SND1: variants seen among roughly 807,000 people sequenced by gnomAD.
SND1 encodes the protein staphylococcal nuclease and tudor domain containing 1.
A neutral mutation model predicts 121.7 loss-of-function variants in SND1; 38 were observed. The observed-to-expected ratio is 0.31, with a 90% CI of 0.24 to 0.41. The LOEUF (loss-of-function observed/expected upper bound fraction) is 0.41, where lower values mean the gene tolerates loss of function less well. Among genes scored for constraint, SND1 ranks in the 10% least tolerant of loss-of-function variants. SND1 has a pLI of 1.00. For synonymous variants in SND1, 401 were observed against 447.4 expected (o/e 0.90, Z 1.31); for missense variants, 868 against 1,184.6 (o/e 0.73, Z 3.92).
At chr7:127,830,544 T>C (rs1347009274) in intron 11 of SND1, among the ~76,000 whole-genome samples, 1 of 152,212 alleles carries the variant, frequency 6.6e-6, no homozygotes, top group Non-Finnish European at 1.5e-5. Flanking sequence ...ATCATATTTA[T>C]CATTGTTTAT....
At chr7:127,884,509 A>G (rs538667664) in intron 12 of SND1, among the ~76,000 whole-genome samples, 46 of 152,130 alleles carry the variant, frequency 3.0e-4, no homozygotes, top group African/African-American at 5.8e-4. Flanking sequence ...AGGCAGGCCT[A>G]TTGCTGAGGG....
chr7:127,716,410 A>G (rs1161354558), intron 9 of SND1, among the ~76,000 whole-genome samples: 1 of 150,614 alleles, frequency 6.6e-6, no homozygotes, highest in African/African-American at 2.4e-5. Flanking sequence ...TCTTTGTACA[A>G]GTTTTTCACT....
intron 11 of SND1, among the ~76,000 whole-genome samples, chr7:127,813,476 A>G (rs1469470699): frequency 2.6e-5 from 4 of 152,076 alleles, no homozygotes; most frequent in Non-Finnish European, 5.9e-5. Context: ...AGACTCTGAA[A>G]AGTACCTCTG....
chr7:128,000,742 G>T (rs1161105902), intron 16 of SND1, among the ~76,000 whole-genome samples: 1 of 152,162 alleles, frequency 6.6e-6, no homozygotes, highest in Admixed American at 6.5e-5. Flanking sequence ...CCTAAACATT[G>T]CAAGCCATGC....
chr7:127,838,416 G>A (rs1798905841), intron 11 of SND1, among the ~76,000 whole-genome samples: 1 of 152,166 alleles, frequency 6.6e-6, no homozygotes. Flanking sequence ...ACACTGTTAA[G>A]CCCAAAGCAA....
chr7:127,867,233 C>T (rs759149408), intron 12 of SND1, among the ~76,000 whole-genome samples: 2 of 152,154 alleles, frequency 1.3e-5, no homozygotes, highest in African/African-American at 2.4e-5. Flanking sequence ...TTTACTTTTA[C>T]TTGACCTCTC....
At chr7:127,751,537 A>C (rs958792288) in intron 10 of SND1, among the ~76,000 whole-genome samples, 1 of 152,186 alleles carries the variant, frequency 6.6e-6, no homozygotes, top group Non-Finnish European at 1.5e-5. Context: ...GAGGCTTACC[A>C]GTTAAAAAAG....
At chr7:127,916,761 A>T (rs573752939) in intron 14 of SND1, among the ~76,000 whole-genome samples, 1 of 152,232 alleles carries the variant, frequency 6.6e-6, no homozygotes, top group Non-Finnish European at 1.5e-5. Context: ...TCCAGTGGAC[A>T]GTGCAATTCC....
intron 11 of SND1, among the ~76,000 whole-genome samples, chr7:127,833,329 G>A (rs544434560): frequency 4.1e-5 from 6 of 147,738 alleles, no homozygotes; most frequent in South Asian, 2.1e-4. Flanking sequence ...GCAGTGGCTC[G>A]ATGTTGGCTC....
At chr7:127,998,146 A>C (rs1802722436) in intron 16 of SND1, 1 of 371,296 alleles carries the variant, frequency 2.7e-6, no homozygotes, top group Non-Finnish European at 5.5e-6. Context: ...TTGTGACCTA[A>C]TTCTAGAGAA....
chr7:127,784,131 C>T (rs1159941734), intron 10 of SND1, among the ~76,000 whole-genome samples: 4 of 152,176 alleles, frequency 2.6e-5, no homozygotes, highest in African/African-American at 9.7e-5. Flanking sequence ...CACAGTTCTG[C>T]CTCCCCCTAC....
At chr7:127,955,343 T>C (rs1420839246) in intron 15 of SND1, among the ~76,000 whole-genome samples, 1 of 152,160 alleles carries the variant, frequency 6.6e-6, no homozygotes, top group Non-Finnish European at 1.5e-5. Context: ...ATGACATTTA[T>C]TTCTGTTGGT....
chr7:128,047,147 G>C (rs1792962950), intron 16 of SND1, among the ~76,000 whole-genome samples: 1 of 152,162 alleles, frequency 6.6e-6, no homozygotes, highest in African/African-American at 2.4e-5. Context: ...TGCCAGAGGG[G>C]TCCATGGCAC....
At chr7:127,694,752 G>A (rs930502802) in intron 2 of SND1, 76 bp from the exon 3 acceptor site, 2 of 1,560,574 alleles carry the variant, frequency 1.3e-6, no homozygotes, top group Non-Finnish European at 1.8e-6. Flanking sequence ...TTTACTGAAG[G>A]TATGAAGTTG....
intron 16 of SND1, among the ~76,000 whole-genome samples, chr7:128,038,510 T>C (rs1792792585): frequency 6.6e-6 from 1 of 152,270 alleles, no homozygotes; most frequent in African/African-American, 2.4e-5. Flanking sequence ...GTAGCATCTA[T>C]TATTTTCTAA....
intron 15 of SND1, among the ~76,000 whole-genome samples, chr7:127,951,094 A>G (rs1294417807): frequency 6.6e-6 from 1 of 152,228 alleles, no homozygotes; most frequent in African/African-American, 2.4e-5. Context: ...TGAAATCAGT[A>G]TCTTGAACAG....
intron 16 of SND1, chr7:128,027,546 C>T (rs755068466): frequency 2.6e-5 from 4 of 152,420 alleles, no homozygotes; most frequent in Admixed American, 6.5e-5. Context: ...AGTTGACATC[C>T]GCTGTAATAA....
chr7:127,692,462 T>C (rs1327624805), intron 2 of SND1: 1 of 152,248 alleles, frequency 6.6e-6, no homozygotes, highest in African/African-American at 2.4e-5. Context: ...CAAATTTCCT[T>C]ATTTGAGCAA....
At chr7:127,673,135 T>C (rs1795554026) in intron 1 of SND1, among the ~76,000 whole-genome samples, 1 of 148,300 alleles carries the variant, frequency 6.7e-6, no homozygotes, top group Admixed American at 6.8e-5. Flanking sequence ...ATATATTCTA[T>C]TATATATGAT....
Sources: gnomAD v4.1 joint callset for allele counts (sites outside exome capture counted in the v4.1 genomes callset) on GRCh38, gnomAD v4.1.1 for gene constraint, MANE v1.5 for transcripts, NCBI Gene and HGNC (gene_info 2026-07-23, HGNC 2026-07-21) for gene names.